The following NCL variants were observed in gnomAD, a reference collection of about 807,000 sequenced individuals.
NCL encodes the protein nucleolin multifunctional protein.
Under a neutral mutation model 77.7 loss-of-function variants are expected in NCL, and 4 were observed. The ratio of observed to expected loss-of-function variants is 0.05; its 90% CI spans 0.03 to 0.12. The LOEUF (loss-of-function observed/expected upper bound fraction) is 0.12, where lower values mean the gene tolerates loss of function less well. Among genes scored for constraint, NCL ranks in the 10% least tolerant of loss-of-function variants. The pLI, the probability that NCL is intolerant of heterozygous loss-of-function variation, is 1.00. For synonymous variants in NCL, 344 were observed against 297.8 expected, an observed-to-expected ratio of 1.16 and a Z score of -1.60; for missense variants, 763 against 860.9, an observed-to-expected ratio of 0.89 and a Z score of 1.42.
In NCL at chr2:231,458,304, C is replaced by T. The variant is rs546418951; in HGVS notation, c.1251G>A (p.Ala417=). 2.8e-5 allele frequency: 45 copies of T among 1,614,006 alleles called. No individual in the cohort carries two copies. The highest frequency in any genetic ancestry group is 1.6e-4 in the Middle Eastern group (1 of 6,062). ...DELKEVFEDA[A]EIRLVSKDGK... Reference sequence around the variant, plus strand: ...CATCCTTGCTGACTAATCTGATCTCCGCAGCATCTTCAAACACTTCTTTCA... The same window carrying T: ...CATCCTTGCTGACTAATCTGATCTCTGCAGCATCTTCAAACACTTCTTTCA... The change falls in exon 8 of 14, where the codon GCG becomes GCA. Residue 417 remains alanine, a synonymous_variant. Coordinates refer to ENST00000322723, the MANE Select transcript of NCL (RefSeq NM_005381.3).
Position 231,461,554 on chromosome 2 carries a change from T to C in NCL, c.599A>G (p.Asp200Gly). The change falls in exon 3 of 14, where the codon GAC (aspartate) becomes GGC (glycine). Residue 200 changes from aspartate (D) to glycine (G), a missense_variant. Physicochemically the swap from Asp to Gly is moderately conservative, Grantham distance 94. Around this residue, in one of 2 missense-constraint regions of NCL, gnomAD observed 590 missense variants for 570.5 expected, o/e 1.03. Transcript: ENST00000322723. ...EDDEDDEDDD[D>G]DEEDDSEEEA... Reference sequence around the variant, plus strand: ...CAACTCCTTACCATCTTCCTCATCGTCATCGTCATCCTCATCATCTTCGTC... The same window carrying C: ...CAACTCCTTACCATCTTCCTCATCGCCATCGTCATCCTCATCATCTTCGTC... 1 of 1,613,336 alleles carries C rather than the reference T, an allele frequency of 6.2e-7. No individual in the cohort carries two copies. Among genetic ancestry groups the C allele is most frequent in the Non-Finnish European group, 8.5e-7 (1 of 1,179,620 alleles).
At position 231,453,781 on chromosome 2, in the gene NCL, C is replaced by A. The variant is rs1279193462; in HGVS notation, c.*1410G>T. On this transcript the variant is annotated 3_prime_UTR_variant, in exon 14 of 14. Transcript: ENST00000322723. ...AAGCCCAAGGATGTTAAGATTTCAACAGCCCAACTGAACCAGAGTAAACCC... is the reference window on the plus strand; with the variant it reads ...AAGCCCAAGGATGTTAAGATTTCAAAAGCCCAACTGAACCAGAGTAAACCC... 3 of 152,320 alleles carry A rather than the reference C, an allele frequency of 2.0e-5. No homozygotes were observed. Among genetic ancestry groups the A allele is most frequent in the Non-Finnish European group, 4.4e-5 (3 of 68,106 alleles). 9.4% of individuals were successfully genotyped at this position (152,320 alleles called of 1,614,324 possible).
At chr2:231,455,820 A>C in intron 12 of NCL, 190 bp downstream of exon 12, 1 of 1,176,636 alleles carries the variant, frequency 8.5e-7, no homozygotes, top group Non-Finnish European at 1.3e-6. Context: ...CAATACAGCT[A>C]AATATACCTC....
chr2:231,458,447 A>T, intron 7 of NCL, 58 bp from the exon 8 acceptor site: 2 of 1,586,840 alleles, frequency 1.3e-6, no homozygotes, highest in Non-Finnish European at 1.7e-6. Flanking sequence ...GTGGGGGGCA[A>T]CAACAAAAAG....
rs1042003210 is a variant in NCL at position 231,455,441 on chromosome 2, G to T, written c.2016C>A (p.Gly672=). The T allele has an allele frequency of 6.2e-7, 1 of 1,613,930 alleles. No homozygotes were observed. The highest frequency in any genetic ancestry group is 2.2e-5 in the East Asian group (1 of 44,876). Residue 672 remains glycine, a synonymous_variant, in exon 13 of 14, where the codon GGC becomes GGA. Transcript: ENST00000322723. Reference sequence around the variant, plus strand: ...GGCCTCTGCCACCAAATCCTCCTCGGCCTCCTCTACCACCACCTCGTCCTC... The same window carrying T: ...GGCCTCTGCCACCAAATCCTCCTCGTCCTCCTCTACCACCACCTCGTCCTC... ...GFGGRGGGRG[G]RGGFGGRGRG...
Position 231,455,993 on chromosome 2 carries a change from AC to A in NCL, c.1832+16del, listed in dbSNP as rs755477918. ...ACCCCTTCAAGTGGAAGCAGCACTC[AC>A]GCTTCCTTCCCTTACCCTTTGGAGG... On this transcript the variant is annotated intron_variant, in intron 12 of 13. Transcript: ENST00000322723. 3 of 1,614,076 alleles carry A rather than the reference AC, an allele frequency of 1.9e-6. No homozygotes were observed. In the African/African-American group the frequency reaches 4.0e-5, roughly 22 times the overall value.
At chr2:231,459,351 C>T (rs2125635522) in intron 6 of NCL, among the ~76,000 whole-genome samples, 2 of 152,304 alleles carry the variant, frequency 1.3e-5, no homozygotes, top group South Asian at 4.1e-4. Context: ...CATCATGGAG[C>T]TAAATTGCTT....
chr2:231,460,340 G>A (rs1337278045), intron 5 of NCL, 47 bp from the exon 6 acceptor site: 1 of 1,612,660 alleles, frequency 6.2e-7, no homozygotes, highest in South Asian at 1.1e-5. Flanking sequence ...GTGGTAAAAA[G>A]TTAGTTTCCA....
chr2:231,463,408 G>C, intron 1 of NCL, 92 bp from the exon 2 acceptor site: 2 of 827,168 alleles, frequency 2.4e-6, no homozygotes, highest in Non-Finnish European at 4.1e-6. Context: ...CATCATCTCC[G>C]TCCTCAGATC....
In NCL at chr2:231,461,572, T is replaced by C; in HGVS notation, c.581A>G (p.Asp194Gly). The change falls in exon 3 of 14, where the codon GAT (aspartate) becomes GGT (glycine). Residue 194 changes from aspartate (D) to glycine (G), a missense_variant. Asp to Gly is a moderately conservative substitution (Grantham distance 94). This residue lies in a region of NCL where 590 missense variants were observed against 570.5 expected (regional missense o/e 1.03). Transcript: ENST00000322723. ...SEDEDDEDDE[D>G]DEDDDDDEED... ...CTCATCGTCATCGTCATCCTCATCA[T>C]CTTCGTCATCCTCATCGTCCTCATC... 1.2e-6 allele frequency: 2 copies of C among 1,613,446 alleles called. No individual in the cohort carries two copies. Among genetic ancestry groups the C allele is most frequent in the South Asian group, 1.1e-5 (1 of 91,068 alleles).
chr2:231,460,050 A>G, intron 6 of NCL, 102 bp downstream of exon 6: 1 of 1,261,340 alleles, frequency 7.9e-7, no homozygotes, highest in South Asian at 1.4e-5. Context: ...AGATGTTTAC[A>G]GTATTCATGT....
Position 231,457,623 on chromosome 2 carries a change from T to C in NCL, c.1447+20A>G, listed in dbSNP as rs78143527. On this transcript the variant is annotated intron_variant, in intron 9 of 13. Transcript: ENST00000322723. The stretch of plus-strand genomic sequence containing the variant: ...TCCCTCCACCAATTCTGAAACCTTG[T>C]AACAAGCCTAATTTCTTACCACTCC... 1 of 1,573,918 alleles carries C rather than the reference T, an allele frequency of 6.4e-7. No individual in the cohort carries two copies. The highest frequency in any genetic ancestry group is 2.3e-5 in the East Asian group (1 of 44,402).
chr2:231,457,113 T>C lies in NCL; in HGVS notation c.1459A>G (p.Thr487Ala). 6.2e-7 allele frequency: 1 copy of C among 1,613,272 alleles called. No individual in the cohort carries two copies. Among genetic ancestry groups the C allele is most frequent in the Non-Finnish European group, 8.5e-7 (1 of 1,179,788 alleles). The change falls in exon 10 of 14, where the codon ACT becomes GCT. Residue 487 changes from threonine to alanine, a missense_variant. Thr to Ala is a moderately conservative substitution (Grantham distance 58). Around this residue, in one of 2 missense-constraint regions of NCL, gnomAD observed 173 missense variants for 290.4 expected, o/e 0.60. Coordinates refer to ENST00000322723, the MANE Select transcript of NCL (RefSeq NM_005381.3). ...KNSTWSGESK[T>A]LVLSNLSYSA... ...TAGGAGAGGTTGCTTAAAACCAGAG[T>C]TTTTGATTCACCTGCAAATAGAGAT...
intron 2 of NCL, among the ~76,000 whole-genome samples, chr2:231,462,280 T>C (rs1369016316): frequency 2.0e-5 from 3 of 152,222 alleles, no homozygotes; most frequent in Non-Finnish European, 4.4e-5. Context: ...TTACACCTCA[T>C]ACTTTCCCAA....
Position 231,456,080 on chromosome 2 carries a change from A to G in NCL, c.1762T>C (p.Leu588=). Residue 588 remains leucine, a synonymous_variant, in exon 12 of 14, where the codon TTA becomes CTA. Coordinates refer to ENST00000322723, the MANE Select transcript of NCL (RefSeq NM_005381.3). ...GLSEDTTEET[L]KESFDGSVRA... ...ACGGAGCCGTCAAATGACTCCTTTA[A>G]TGTCTCTTCAGTGGTATCCTCAGAC... 6.2e-7 allele frequency: 1 copy of G among 1,614,112 alleles called. No homozygotes were observed. Among genetic ancestry groups the G allele is most frequent in the Non-Finnish European group, 8.5e-7 (1 of 1,180,030 alleles).
At chr2:231,456,399 G>A (rs765581969) in intron 11 of NCL, 3 of 943,590 alleles carry the variant, frequency 3.2e-6, no homozygotes, top group Non-Finnish European at 5.1e-6. Context: ...CCCAGTGGAT[G>A]GGGCAGGAAA....
chr2:231,459,160 G>T (rs1312827005), intron 6 of NCL, 35 bp from the exon 7 acceptor site: 1 of 1,509,722 alleles, frequency 6.6e-7, no homozygotes, highest in Non-Finnish European at 8.8e-7. Flanking sequence ...ATTACAACAG[G>T]TGAAAACACA....
intron 1 of NCL, chr2:231,464,030 C>T: frequency 3.8e-6 from 4 of 1,042,410 alleles, no homozygotes; most frequent in Non-Finnish European, 4.9e-6. Context: ...GAGTCGAGTC[C>T]CAGCTCGTAC....
In NCL at chr2:231,457,203, C is replaced by G. The variant is rs866696300; in HGVS notation, c.1448-79G>C. On this transcript the variant is annotated intron_variant, in intron 9 of 13. Coordinates refer to ENST00000322723, the MANE Select transcript of NCL (RefSeq NM_005381.3). ...CGGTCACAACAGTAATATCTTATTC[C>G]TAAGAATTTCAGTGCTTGAGTTAAT... 1.6e-5 allele frequency: 26 copies of G among 1,579,714 alleles called. No homozygotes were observed. The Middle Eastern group carries it at 5.0e-4, about 30-fold the overall frequency.
Sources: gnomAD v4.1 joint callset for allele counts (sites outside exome capture counted in the v4.1 genomes callset) on GRCh38, gnomAD v4.1.1 for gene constraint, gnomAD v4.1.1 regional missense constraint, MANE v1.5 for transcripts, NCBI Gene and HGNC (gene_info 2026-07-23, HGNC 2026-07-21) for gene names.